RCOR1: variants seen among roughly 807,000 people sequenced by gnomAD.
RCOR1 encodes the protein REST corepressor 1.
RCOR1 carries 12 observed loss-of-function variants against 64.0 expected under a neutral mutation model. The ratio of observed to expected loss-of-function variants is 0.19; its 90% CI spans 0.12 to 0.30. RCOR1 has a LOEUF of 0.30. RCOR1 is among the 10% of genes least tolerant of loss of function. The pLI, the probability that RCOR1 is intolerant of heterozygous loss-of-function variation, is 1.00. For synonymous variants in RCOR1, 279 were observed against 227.2 expected (o/e 1.23, Z -2.05); for missense variants, 502 against 621.2 (o/e 0.81, Z 2.04).
intron 2 of RCOR1, among the ~76,000 whole-genome samples, chr14:102,626,833 G>A (rs546543711): frequency 3.3e-5 from 5 of 152,280 alleles, no homozygotes; most frequent in South Asian, 2.1e-4. Flanking sequence ...AGGCAGGACC[G>A]AGTGGATTTT....
At position 102,730,190 on chromosome 14, in the gene RCOR1, G is replaced by A. The variant is rs140378269; in HGVS notation, c.*3684G>A. On this transcript the variant is annotated 3_prime_UTR_variant, in exon 12 of 12. Coordinates refer to ENST00000262241, the MANE Select transcript of RCOR1 (RefSeq NM_015156.4). ...TAGTATTCCATTAGGTAGACTTATC[G>A]ACTTTGCTAAGTGCTTTTTAGACAG... 7.9e-4 allele frequency: 315 copies of A among 396,860 alleles called. No individual in the cohort carries two copies. The highest frequency in any genetic ancestry group is 5.2e-3 in the African/African-American group (251 of 48,724). The allele number at this position is 396,860 out of a possible 1,614,324, so 24.6% of individuals were successfully genotyped here.
At chr14:102,608,530 G>A (rs1893562557) in intron 2 of RCOR1, among the ~76,000 whole-genome samples, 1 of 151,982 alleles carries the variant, frequency 6.6e-6, no homozygotes, top group Non-Finnish European at 1.5e-5. Flanking sequence ...TGCCTCCCTC[G>A]TTCAAGCGAT....
At chr14:102,664,101 C>T (rs1051696127) in intron 2 of RCOR1, among the ~76,000 whole-genome samples, 1 of 152,144 alleles carries the variant, frequency 6.6e-6, no homozygotes, top group East Asian at 1.9e-4. Flanking sequence ...GTGATTGAGT[C>T]AGTTCTATTT....
intron 2 of RCOR1, among the ~76,000 whole-genome samples, chr14:102,663,201 C>A (rs1894858318): frequency 6.6e-6 from 1 of 152,228 alleles, no homozygotes. Flanking sequence ...GTTGCTCCTC[C>A]TTGCCGTCCG....
intron 8 of RCOR1, among the ~76,000 whole-genome samples, chr14:102,718,180 C>T (rs1166647862): frequency 6.6e-6 from 1 of 152,134 alleles, no homozygotes; most frequent in Non-Finnish European, 1.5e-5. Context: ...TTCTACTGTG[C>T]CATTCTCAGC....
intron 2 of RCOR1, among the ~76,000 whole-genome samples, chr14:102,605,924 T>G (rs12884253): frequency 0.071 from 10,762 of 151,680 alleles, 592 homozygotes; most frequent in African/African-American, 0.15. Context: ...GTCTTTGTGG[T>G]TTTTTTTGTT....
intron 2 of RCOR1, among the ~76,000 whole-genome samples, chr14:102,651,479 G>C (rs562745712): frequency 1.3e-5 from 2 of 151,638 alleles, no homozygotes; most frequent in Non-Finnish European, 2.9e-5. Flanking sequence ...CTTGAACCTG[G>C]AAGGCAGAGG....
chr14:102,615,640 G>T (rs954731722), intron 2 of RCOR1, among the ~76,000 whole-genome samples: 3 of 151,922 alleles, frequency 2.0e-5, no homozygotes, highest in East Asian at 1.9e-4. Context: ...TAGAGACAGG[G>T]TTTCTCCATG....
chr14:102,726,065 A>C (rs749950510), intron 11 of RCOR1, among the ~76,000 whole-genome samples: 3 of 152,000 alleles, frequency 2.0e-5, no homozygotes, highest in Non-Finnish European at 4.4e-5. Context: ...GTGGGGGCCC[A>C]CACATGTAAT....
chr14:102,629,580 T>G (rs552059347), intron 2 of RCOR1, among the ~76,000 whole-genome samples: 102 of 152,222 alleles, frequency 6.7e-4, no homozygotes, highest in Middle Eastern at 3.4e-3. Flanking sequence ...CAGGAGCTTT[T>G]CCCAGGAGGT....
chr14:102,695,041 C>G (rs770594011), intron 3 of RCOR1, among the ~76,000 whole-genome samples: 2 of 152,170 alleles, frequency 1.3e-5, no homozygotes, highest in African/African-American at 2.4e-5. Flanking sequence ...TATCCAAGAT[C>G]ACACAGTGTT....
chr14:102,705,974 T>C (rs1344306534), intron 4 of RCOR1, among the ~76,000 whole-genome samples: 1 of 150,950 alleles, frequency 6.6e-6, no homozygotes, highest in Non-Finnish European at 1.5e-5. Flanking sequence ...TAGCTGCGCA[T>C]GGTGGCACGC....
At chr14:102,601,940 C>T (rs967081245) in intron 2 of RCOR1, among the ~76,000 whole-genome samples, 2 of 152,084 alleles carry the variant, frequency 1.3e-5, no homozygotes, top group African/African-American at 4.8e-5. Flanking sequence ...GGGAGGATCA[C>T]CTGAGATCAG....
At chr14:102,653,922 T>C (rs1050274215) in intron 2 of RCOR1, among the ~76,000 whole-genome samples, 1 of 17,376 alleles carries the variant, frequency 5.8e-5, no homozygotes, top group Non-Finnish European at 1.2e-4. Context: ...GGTATTTCCT[T>C]CTTTCTTTCT....
chr14:102,604,239 A>C (rs1043118652), intron 2 of RCOR1, among the ~76,000 whole-genome samples: 4 of 152,190 alleles, frequency 2.6e-5, no homozygotes, highest in African/African-American at 9.6e-5. Flanking sequence ...TGCCTAGTAT[A>C]TAGTTATAGT....
At chr14:102,610,552 G>T (rs1243176389) in intron 2 of RCOR1, among the ~76,000 whole-genome samples, 1 of 151,928 alleles carries the variant, frequency 6.6e-6, no homozygotes, top group East Asian at 1.9e-4. Flanking sequence ...CATTATTATT[G>T]CTATTATTAT....
At chr14:102,673,311 T>C (rs906336110) in intron 2 of RCOR1, among the ~76,000 whole-genome samples, 2 of 151,868 alleles carry the variant, frequency 1.3e-5, no homozygotes, top group Admixed American at 1.3e-4. Context: ...TGAAGTCACA[T>C]ACCACGGTTT....
At chr14:102,597,309 G>T (rs1893275699) in intron 2 of RCOR1, among the ~76,000 whole-genome samples, 2 of 151,882 alleles carry the variant, frequency 1.3e-5, no homozygotes, top group Middle Eastern at 3.4e-3. Flanking sequence ...TGGTAGAGAT[G>T]CATGAATGGA....
intron 2 of RCOR1, among the ~76,000 whole-genome samples, chr14:102,620,992 G>T (rs1055348261): frequency 6.6e-6 from 1 of 152,188 alleles, no homozygotes; most frequent in African/African-American, 2.4e-5. Flanking sequence ...AGTCCTTAGT[G>T]TCATTAAATT....
Sources: allele counts gnomAD v4.1 joint callset (sites outside exome capture counted in the v4.1 genomes callset), GRCh38; gene constraint gnomAD v4.1.1; transcripts MANE v1.5; gene names NCBI Gene and HGNC (gene_info 2026-07-23, HGNC 2026-07-21).